MAST4: variants seen among roughly 807,000 people sequenced by gnomAD.
The protein encoded by MAST4 is microtubule-associated serine/threonine-protein kinase 4.
Under a neutral mutation model 162.7 loss-of-function variants are expected in MAST4, and 89 were observed. That is an observed-to-expected ratio of 0.55 (90% CI 0.46 to 0.65). MAST4 has a LOEUF of 0.65. Among genes scored for constraint, MAST4 ranks in the 30% least tolerant of loss-of-function variants. The pLI, the probability that MAST4 is intolerant of heterozygous loss-of-function variation, is 0.00. For missense variants in MAST4, 3,153 were observed against 3,374.0 expected, an observed-to-expected ratio of 0.93 and a Z score of 1.62; for synonymous variants, 1,479 against 1,361.1, an observed-to-expected ratio of 1.09 and a Z score of -1.91.
chr5:66,900,718 T>TA (rs5868466), intron 4 of MAST4, among the ~76,000 whole-genome samples: 2 of 151,298 alleles, frequency 1.3e-5, no homozygotes, highest in Non-Finnish European at 3.0e-5. Context: ...GCACCTCCTT[T>TA]AAAAAAAAAT....
At chr5:66,808,973 G>C (rs545647712) in intron 3 of MAST4, among the ~76,000 whole-genome samples, 2 of 152,300 alleles carry the variant, frequency 1.3e-5, no homozygotes, top group African/African-American at 4.8e-5. Flanking sequence ...ACTTCACTGG[G>C]AGCTGAAGAG....
intron 3 of MAST4, among the ~76,000 whole-genome samples, chr5:66,815,430 T>G (rs1756670599): frequency 6.6e-6 from 1 of 152,216 alleles, no homozygotes; most frequent in Non-Finnish European, 1.5e-5. Context: ...TTCTTGTTAA[T>G]CTCTTACTGT....
chr5:67,150,283 G>A (rs1771637426), intron 24 of MAST4, among the ~76,000 whole-genome samples: 1 of 152,222 alleles, frequency 6.6e-6, no homozygotes, highest in Non-Finnish European at 1.5e-5. Context: ...TGATGGTTGT[G>A]ATATCACTCA....
At chr5:66,955,909 T>A (rs1010699242) in intron 4 of MAST4, among the ~76,000 whole-genome samples, 1 of 152,206 alleles carries the variant, frequency 6.6e-6, no homozygotes, top group African/African-American at 2.4e-5. Context: ...ATAGTTTTAT[T>A]AGTTTGATAT....
intron 3 of MAST4, among the ~76,000 whole-genome samples, chr5:66,844,984 A>G (rs1394992747): frequency 6.6e-6 from 1 of 150,814 alleles, no homozygotes; most frequent in Admixed American, 6.6e-5. Flanking sequence ...TGGGTGCTAA[A>G]TGAAGCCATG....
intron 3 of MAST4, among the ~76,000 whole-genome samples, chr5:66,873,595 G>T (rs945017484): frequency 6.6e-6 from 1 of 152,176 alleles, no homozygotes; most frequent in Non-Finnish European, 1.5e-5. Flanking sequence ...TAATAGACTG[G>T]ACTGGATTGT....
At chr5:66,888,053 A>T (rs768124331) in intron 3 of MAST4, among the ~76,000 whole-genome samples, 1 of 152,192 alleles carries the variant, frequency 6.6e-6, no homozygotes, top group Non-Finnish European at 1.5e-5. Context: ...CTAAAAAAAA[A>T]AATAAAAATA....
intron 1 of MAST4, among the ~76,000 whole-genome samples, chr5:66,631,289 A>G (rs1744779362): frequency 6.6e-6 from 1 of 152,168 alleles, no homozygotes; most frequent in African/African-American, 2.4e-5. Flanking sequence ...GTGTCCTAGA[A>G]AGCTGCGATC....
intron 3 of MAST4, among the ~76,000 whole-genome samples, chr5:66,796,577 G>A (rs924171728): frequency 1.3e-5 from 2 of 152,090 alleles, no homozygotes; most frequent in Non-Finnish European, 2.9e-5. Context: ...ACAGTGAGGC[G>A]AATGGTGTCC....
chr5:66,717,494 G>A (rs1750916714), intron 1 of MAST4, among the ~76,000 whole-genome samples: 1 of 152,144 alleles, frequency 6.6e-6, no homozygotes, highest in Non-Finnish European at 1.5e-5. Flanking sequence ...CATATCCAAT[G>A]TATTAATTTT....
chr5:66,861,422 C>A (rs1280314889), intron 3 of MAST4, among the ~76,000 whole-genome samples: 1 of 152,150 alleles, frequency 6.6e-6, no homozygotes, highest in Non-Finnish European at 1.5e-5. Context: ...ATCTGACAGC[C>A]CTATGGAGGT....
Position 66,823,094 on chromosome 5 carries a change from G to T in MAST4, c.642+34300G>T, listed in dbSNP as rs138105271. 5.4e-3 allele frequency among the ~76,000 whole-genome samples: 823 copies of T among 152,192 alleles called. 9 individuals carry two copies. Among genetic ancestry groups the T allele is most frequent in the African/African-American group, 0.019 (776 of 41,508 alleles). On this transcript the variant is annotated intron_variant, in intron 3 of 28. Transcript: ENST00000403625. ...ATGAGATCTGGTGGTTTTATAAGGG[G>T]CTCTTCCCTTCTCACTTGACACTTC...
intron 3 of MAST4, chr5:66,789,735 A>G (rs748928405): frequency 1.9e-6 from 1 of 518,884 alleles, no homozygotes; most frequent in South Asian, 1.4e-5. Context: ...CACTGTAGTT[A>G]CCACTTTCTC....
At chr5:66,801,353 C>A (rs968218856) in intron 3 of MAST4, among the ~76,000 whole-genome samples, 1 of 151,914 alleles carries the variant, frequency 6.6e-6, no homozygotes, top group African/African-American at 2.4e-5. Context: ...GGAGTGTTTG[C>A]GGCTGTGACT....
chr5:66,878,897 CA>C (rs1761485987), intron 3 of MAST4, among the ~76,000 whole-genome samples: 1 of 152,056 alleles, frequency 6.6e-6, no homozygotes, highest in Non-Finnish European at 1.5e-5. Context: ...GAAAAATGGG[CA>C]AAGGAAACAA....
rs1042631390 is a variant in MAST4 at position 67,020,425 on chromosome 5, T to G, written c.675-33979T>G. 1.8e-4 allele frequency among the ~76,000 whole-genome samples: 27 copies of G among 152,210 alleles called. 1 individual carries two copies. The highest frequency in any genetic ancestry group is 1.8e-3 in the Admixed American group (27 of 15,278). On this transcript the variant is annotated intron_variant, in intron 4 of 28. Transcript: ENST00000403625. The stretch of plus-strand genomic sequence containing the variant: ...AGAATTTGGTTTCTTTCCCCTTTGG[T>G]ATGAAGGAATTTACCACTGACTATT...
In MAST4 at chr5:66,759,809, T is replaced by C; in HGVS notation, c.464T>C (p.Leu155Pro). 1 of 1,613,868 alleles carries C rather than the reference T, an allele frequency of 6.2e-7. No homozygotes were observed. The highest frequency in any genetic ancestry group is 8.5e-7 in the Non-Finnish European group (1 of 1,179,856). The change falls in exon 2 of 29, where the codon CTG (leucine) becomes CCG (proline). Residue 155 changes from leucine (L) to proline (P), a missense_variant. Leu to Pro is a moderately conservative substitution (Grantham distance 98). Transcript: ENST00000403625. ...AAATCACTGAAGTATAAAAGACAGC[T>C]GAGTGAGGATGGAAGACAGCTAAGG... is the stretch of plus-strand genomic sequence containing the variant. The part of the protein sequence containing the change: ...PGKSLKYKRQ[L>P]SEDGRQLRRG...
intron 3 of MAST4, among the ~76,000 whole-genome samples, chr5:66,806,431 C>T (rs977008176): frequency 1.3e-5 from 2 of 152,216 alleles, no homozygotes; most frequent in African/African-American, 2.4e-5. Flanking sequence ...CACACACTTG[C>T]ATCTAAATTA....
chr5:67,014,272 A>G (rs1042500728), intron 4 of MAST4, among the ~76,000 whole-genome samples: 2 of 152,230 alleles, frequency 1.3e-5, no homozygotes, highest in African/African-American at 2.4e-5. Flanking sequence ...TGATAGGCAC[A>G]TCAGTTGCCT....
Sources: allele counts gnomAD v4.1 joint callset (sites outside exome capture counted in the v4.1 genomes callset), GRCh38; gene constraint gnomAD v4.1.1; transcripts MANE v1.5; gene names NCBI Gene and HGNC (gene_info 2026-07-23, HGNC 2026-07-21).